Variants in PRRX1 observed in about 807,000 individuals in gnomAD.
PRRX1 encodes the protein paired mesoderm homeobox protein 1.
A neutral mutation model predicts 24.0 loss-of-function variants in PRRX1; 8 were observed. The observed-to-expected ratio is 0.33, with a 90% CI of 0.20 to 0.60. PRRX1 has a LOEUF of 0.60. Among genes scored for constraint, PRRX1 ranks in the 20% least tolerant of loss-of-function variants. The probability of loss-of-function intolerance (pLI) is 0.82; values close to 1 mark genes in which losing one functional copy is unlikely to be tolerated. For missense variants in PRRX1, 281 were observed against 322.4 expected (o/e 0.87, Z 0.98); for synonymous variants, 160 against 131.7 (o/e 1.22, Z -1.47).
At chr1:170,663,519 A>C (rs1652799727), upstream of PRRX1, 1 of 150,794 alleles carries the variant, frequency 6.6e-6, no homozygotes, top group African/African-American at 2.4e-5. Flanking sequence ...TTTACTCTTT[A>C]CAAAAAGTAA....
intron 1 of PRRX1, chr1:170,669,264 G>C (rs1653056768): frequency 6.6e-6 from 1 of 151,484 alleles, no homozygotes; most frequent in South Asian, 2.1e-4. Context: ...CCTAACCCCG[G>C]TGCACTCAGG....
intron 1 of PRRX1, among the ~76,000 whole-genome samples, chr1:170,695,941 A>G (rs2101901227): frequency 6.6e-6 from 1 of 152,300 alleles, no homozygotes; most frequent in East Asian, 1.9e-4. Context: ...AGGATCATCC[A>G]GATGTCCAGT....
intron 1 of PRRX1, among the ~76,000 whole-genome samples, chr1:170,700,372 T>A (rs1364370133): frequency 6.6e-6 from 1 of 152,062 alleles, no homozygotes; most frequent in Non-Finnish European, 1.5e-5. Flanking sequence ...TTCAGACCAT[T>A]TGGAAAGTCC....
intron 2 of PRRX1, among the ~76,000 whole-genome samples, chr1:170,722,026 C>T (rs915028186): frequency 1.3e-5 from 2 of 151,014 alleles, no homozygotes; most frequent in African/African-American, 4.9e-5. Flanking sequence ...ACTGTCTTGC[C>T]CCTATCATGA....
intron 1 of PRRX1, among the ~76,000 whole-genome samples, chr1:170,669,614 C>T (rs1233405158): frequency 6.6e-6 from 1 of 151,626 alleles, no homozygotes; most frequent in Admixed American, 6.6e-5. Flanking sequence ...TTTTACAATC[C>T]CTCTCCTACA....
chr1:170,713,716 C>T (rs568769680), intron 1 of PRRX1, among the ~76,000 whole-genome samples: 1 of 152,262 alleles, frequency 6.6e-6, no homozygotes, highest in African/African-American at 2.4e-5. Flanking sequence ...TTTTGTTCTC[C>T]AGAGAACATA....
At chr1:170,688,532 C>G (rs1653822042) in intron 1 of PRRX1, among the ~76,000 whole-genome samples, 1 of 151,700 alleles carries the variant, frequency 6.6e-6, no homozygotes, top group South Asian at 2.1e-4. Flanking sequence ...AATTTATTTA[C>G]CAATAAAATT....
At chr1:170,696,445 C>A (rs1417950548) in intron 1 of PRRX1, among the ~76,000 whole-genome samples, 1 of 152,012 alleles carries the variant, frequency 6.6e-6, no homozygotes, top group Non-Finnish European at 1.5e-5. Flanking sequence ...AGCCAGCAGT[C>A]CAGAAGAGAT....
chr1:170,675,003 C>T (rs559264680), intron 1 of PRRX1, among the ~76,000 whole-genome samples: 4 of 152,238 alleles, frequency 2.6e-5, no homozygotes, highest in African/African-American at 9.6e-5. Context: ...AGTTTTAACC[C>T]CATTTTCAAA....
chr1:170,706,350 C>G (rs1356533853), intron 1 of PRRX1, among the ~76,000 whole-genome samples: 1 of 152,202 alleles, frequency 6.6e-6, no homozygotes, highest in Non-Finnish European at 1.5e-5. Context: ...TTTGAAGGCA[C>G]AGATGTATCT....
At chr1:170,727,590 G>C (rs545980655) in intron 3 of PRRX1, 5 of 152,292 alleles carry the variant, frequency 3.3e-5, no homozygotes, top group African/African-American at 1.2e-4. Flanking sequence ...AAGGTTCTTA[G>C]CTTTAATCAA....
At chr1:170,697,071 G>A (rs774434980) in intron 1 of PRRX1, among the ~76,000 whole-genome samples, 1 of 152,122 alleles carries the variant, frequency 6.6e-6, no homozygotes, top group Non-Finnish European at 1.5e-5. Context: ...GAGATTAGGG[G>A]CCTCATACAT....
chr1:170,702,012 G>T (rs1023021588), intron 1 of PRRX1, among the ~76,000 whole-genome samples: 1 of 152,080 alleles, frequency 6.6e-6, no homozygotes, highest in African/African-American at 2.4e-5. Context: ...GGGGAAGGCG[G>T]GGGGAGGGGG....
At chr1:170,704,601 G>A (rs767587245) in intron 1 of PRRX1, among the ~76,000 whole-genome samples, 1 of 152,172 alleles carries the variant, frequency 6.6e-6, no homozygotes, top group Non-Finnish European at 1.5e-5. Context: ...GATAGACTTT[G>A]GAAAGTTGGT....
Position 170,700,113 on chromosome 1 carries a change from CT to C in PRRX1, c.242-19612del, listed in dbSNP as rs1318494206. 2.0e-5 allele frequency among the ~76,000 whole-genome samples: 3 copies of C among 152,072 alleles called. No individual in the cohort carries two copies. The East Asian group carries it at 5.8e-4, about 29-fold the overall frequency. ...TACAAACTTAAAAATGTCCTATGGC[CT>C]CCTATGGCCATTTTTTTTAAGCAAA... On this transcript the variant is annotated intron_variant, in intron 1 of 3. Transcript: ENST00000239461.
chr1:170,673,910 T>C (rs897726485), intron 1 of PRRX1, among the ~76,000 whole-genome samples: 3 of 152,220 alleles, frequency 2.0e-5, no homozygotes, highest in African/African-American at 7.2e-5. Context: ...ACCACCCTCC[T>C]AGCCTGTGGA....
At chr1:170,667,327 C>T in intron 1 of PRRX1, 1 of 153,354 alleles carries the variant, frequency 6.5e-6, no homozygotes, top group Non-Finnish European at 1.4e-5. Context: ...CACACACACA[C>T]ACACACACAC....
At chr1:170,716,518 AG>A (rs1654913017) in intron 1 of PRRX1, among the ~76,000 whole-genome samples, 3 of 150,246 alleles carry the variant, frequency 2.0e-5, no homozygotes, top group Non-Finnish European at 2.9e-5. Flanking sequence ...CAGGAGGCGG[AG>A]GTTGCGGTGA....
At chr1:170,698,323 A>C (rs1221306151) in intron 1 of PRRX1, among the ~76,000 whole-genome samples, 2 of 152,232 alleles carry the variant, frequency 1.3e-5, no homozygotes, top group Non-Finnish European at 2.9e-5. Context: ...TTCTTGAAAG[A>C]GATTTCTTAT....
Sources: gnomAD v4.1 joint callset for allele counts (sites outside exome capture counted in the v4.1 genomes callset) on GRCh38, gnomAD v4.1.1 for gene constraint, MANE v1.5 for transcripts, NCBI Gene and HGNC (gene_info 2026-07-23, HGNC 2026-07-21) for gene names.